Variants in DMD observed in about 807,000 individuals in gnomAD.
The protein encoded by DMD is dystrophin.
A neutral mutation model predicts 330.1 loss-of-function variants in DMD; 63 were observed. The observed-to-expected ratio is 0.19, with a 90% CI of 0.16 to 0.24. The LOEUF is 0.24. DMD is among the 10% of genes least tolerant of loss of function. The pLI is 1.00. For synonymous variants in DMD, 1,223 were observed against 959.8 expected (o/e 1.27, Z -5.07); for missense variants, 3,344 against 2,684.1 (o/e 1.25, Z -5.43).
intron 2 of DMD, among the ~76,000 whole-genome samples, chrX:32,934,431 C>T (rs112994020): frequency 0.058 from 6,430 of 110,211 alleles, 229 homozygotes; most frequent in Non-Finnish European, 0.091. Context: ...GTGGCACCCA[C>T]CTGTAATCCC....
intron 34 of DMD, among the ~76,000 whole-genome samples, chrX:32,374,894 C>A (rs750662812): frequency 9.0e-5 from 10 of 111,521 alleles, no homozygotes. Context: ...AGAAAGTAAT[C>A]GAGAAACAGA....
intron 2 of DMD, among the ~76,000 whole-genome samples, chrX:32,961,679 T>C (rs2091903154): frequency 9.0e-6 from 1 of 111,666 alleles, no homozygotes; most frequent in Non-Finnish European, 1.9e-5. Flanking sequence ...ACTTTATCAC[T>C]GAGATAATCT....
chrX:33,232,368 T>C (rs1241611130), intron 1 of DMD, among the ~76,000 whole-genome samples: 4 of 112,123 alleles, frequency 3.6e-5, no homozygotes, highest in East Asian at 2.8e-4. Flanking sequence ...AGAAGAAACA[T>C]TGGATGATTA....
chrX:32,673,787 G>A (rs2061786234), intron 9 of DMD, among the ~76,000 whole-genome samples: 1 of 111,992 alleles, frequency 8.9e-6, no homozygotes, highest in South Asian at 3.6e-4. Flanking sequence ...CTCAGTCAGG[G>A]GATTGTGCAA....
rs2076855637 is a variant in DMD, at chrX:31,591,202, T to G, written c.8217+36471A>C. Among the ~76,000 whole-genome samples, 3 of 112,212 alleles carry G rather than the reference T, an allele frequency of 2.7e-5. No individual in the cohort carries two copies. The South Asian group carries it at 1.1e-3, about 41-fold the overall frequency. ...AATTAATTTCACTTCTTTATTTTTA[T>G]TTTTTCAGTGTGCCTACTAGAGAAA... On this transcript the variant is annotated intron_variant, in intron 55 of 78. Coordinates refer to ENST00000357033, the MANE Select transcript of DMD (RefSeq NM_004006.3).
intron 2 of DMD, among the ~76,000 whole-genome samples, chrX:32,892,547 C>T (rs907753309): frequency 9.0e-6 from 1 of 111,134 alleles, no homozygotes; most frequent in Non-Finnish European, 1.9e-5. Flanking sequence ...GCACCTGCCA[C>T]CACACCCGGC....
chrX:31,536,414 A>G (rs1289450081), intron 55 of DMD, among the ~76,000 whole-genome samples: 1 of 111,778 alleles, frequency 8.9e-6, no homozygotes, highest in Non-Finnish European at 1.9e-5. Flanking sequence ...TAAGAAGCAC[A>G]AGAAGATTGT....
At chrX:33,103,606 C>T (rs1309325834) in intron 1 of DMD, among the ~76,000 whole-genome samples, 1 of 110,679 alleles carries the variant, frequency 9.0e-6, no homozygotes, top group Non-Finnish European at 1.9e-5. Context: ...GGCCCCACCC[C>T]TATCTCCCTT....
intron 45 of DMD, among the ~76,000 whole-genome samples, chrX:31,944,883 G>A (rs190543617): frequency 3.6e-5 from 4 of 111,048 alleles, no homozygotes; most frequent in Non-Finnish European, 7.5e-5. Context: ...CATGCATGCC[G>A]AGTTTGTCAT....
chrX:31,673,633 G>T (rs780088459), intron 53 of DMD, among the ~76,000 whole-genome samples: 1 of 111,100 alleles, frequency 9.0e-6, no homozygotes, highest in Non-Finnish European at 1.9e-5. Flanking sequence ...AGAAAGAAAA[G>T]AAAAAAGAAA....
intron 60 of DMD, among the ~76,000 whole-genome samples, chrX:31,407,730 T>C (rs2061466310): frequency 9.1e-6 from 1 of 109,733 alleles, no homozygotes; most frequent in Admixed American, 9.9e-5. Context: ...TCCATCCGCC[T>C]CGGCCTCTCA....
chrX:31,350,616 TGTGTGTGTGTGTGTGTGAGA>T (rs776673201), intron 60 of DMD, among the ~76,000 whole-genome samples: 5 of 49,413 alleles, frequency 1.0e-4, no homozygotes, highest in African/African-American at 3.8e-4. Flanking sequence ...TGTGTGTGTG[TGTGTGTGTGTGTGTGTGAGA>T]GAGAGAGAGA....
At chrX:33,092,723 C>T (rs2095101870) in intron 1 of DMD, among the ~76,000 whole-genome samples, 1 of 111,343 alleles carries the variant, frequency 9.0e-6, no homozygotes, top group Non-Finnish European at 1.9e-5. Flanking sequence ...GTGATCAAGA[C>T]ACCCTTTGCT....
chrX:31,207,035 C>T (rs1259657240), intron 65 of DMD, among the ~76,000 whole-genome samples: 2 of 111,665 alleles, frequency 1.8e-5, no homozygotes, highest in Non-Finnish European at 3.8e-5. Flanking sequence ...TACTAATCTT[C>T]ACCAATCTAC....
intron 7 of DMD, among the ~76,000 whole-genome samples, chrX:32,743,872 T>A (rs901130356): frequency 7.2e-5 from 8 of 111,273 alleles, no homozygotes; most frequent in Non-Finnish European, 1.5e-4. Context: ...TCTTTTTCAA[T>A]GAAAATAGAC....
At chrX:32,171,506 G>A (rs182904447) in intron 44 of DMD, among the ~76,000 whole-genome samples, 57 of 111,316 alleles carry the variant, frequency 5.1e-4, no homozygotes, top group African/African-American at 1.9e-3. Flanking sequence ...CCGAATACTA[G>A]TGATAGGATT....
intron 1 of DMD, among the ~76,000 whole-genome samples, chrX:33,148,330 G>A (rs1314363492): frequency 8.9e-6 from 1 of 112,107 alleles, no homozygotes. Flanking sequence ...GTGAGAAGAC[G>A]GTTGATATTT....
At chrX:31,694,989 T>C (rs1569247852) in intron 52 of DMD, among the ~76,000 whole-genome samples, 1 of 111,130 alleles carries the variant, frequency 9.0e-6, no homozygotes, top group Non-Finnish European at 1.9e-5. Context: ...TGTAGCACTG[T>C]TCACAACAGG....
chrX:31,541,341 C>CTT (rs202195666), intron 55 of DMD, among the ~76,000 whole-genome samples: 2 of 106,681 alleles, frequency 1.9e-5, no homozygotes, highest in African/African-American at 6.8e-5. Context: ...CAAATATTTT[C>CTT]TTTTTTTTTT....
Sources: gnomAD v4.1 joint callset for allele counts (sites outside exome capture counted in the v4.1 genomes callset) on GRCh38, gnomAD v4.1.1 for gene constraint, MANE v1.5 for transcripts, NCBI Gene and HGNC (gene_info 2026-07-23, HGNC 2026-07-21) for gene names.